Variants in CCL28 observed in about 807,000 individuals in gnomAD.
CCL28 encodes C-C motif chemokine 28.
Under a neutral mutation model 7.1 loss-of-function variants are expected in CCL28, and 4 were observed. The ratio of observed to expected loss-of-function variants is 0.56; its 90% CI spans 0.28 to 1.29. The LOEUF (loss-of-function observed/expected upper bound fraction) is 1.29. Among genes scored for constraint, CCL28 ranks in the 50% most tolerant of loss-of-function variants. CCL28 has a pLI of 0.11. For synonymous variants in CCL28, 55 were observed against 57.8 expected, an observed-to-expected ratio of 0.95 and a Z score of 0.22; for missense variants, 151 against 163.4, an observed-to-expected ratio of 0.92 and a Z score of 0.41.
At chr5:43,359,114 G>C in the CCL28 span, among the ~76,000 whole-genome samples, 10 of 152,174 alleles carry the variant, frequency 6.6e-5, no homozygotes, top group Admixed American at 6.6e-4. Context: ...ATAAAATGTA[G>C]GTATAGCTAA....
At chr5:43,389,451 C>T (rs912865342) in intron 1 of CCL28, among the ~76,000 whole-genome samples, 1 of 152,166 alleles carries the variant, frequency 6.6e-6, no homozygotes, top group Admixed American at 6.5e-5. Flanking sequence ...TCTCACTATA[C>T]GTGAATCACT....
At chr5:43,402,595 G>A (rs1741082167) in intron 1 of CCL28, among the ~76,000 whole-genome samples, 1 of 152,218 alleles carries the variant, frequency 6.6e-6, no homozygotes, top group African/African-American at 2.4e-5. Flanking sequence ...CTCCCAGCGT[G>A]AGCAACACAG....
At chr5:43,357,686 G>C in the CCL28 span, among the ~76,000 whole-genome samples, 1 of 151,740 alleles carries the variant, frequency 6.6e-6, no homozygotes. Flanking sequence ...AAAGAAAGGG[G>C]GGGAAAAAAA....
chr5:43,378,066 G>A (rs1739959198), downstream of CCL28, among the ~76,000 whole-genome samples: 1 of 152,164 alleles, frequency 6.6e-6, no homozygotes, highest in Non-Finnish European at 1.5e-5. Context: ...AAGAAAGCTA[G>A]GTGCAGTGGC....
chr5:43,367,562 CCCACTATCTAA>C, the CCL28 span, among the ~76,000 whole-genome samples: 1 of 152,176 alleles, frequency 6.6e-6, no homozygotes, highest in African/African-American at 2.4e-5. Context: ...TTAGGCTGCA[CCCACTATCTAA>C]CCAGTCCCAG....
chr5:43,392,368 C>T (rs1344769888), intron 1 of CCL28, among the ~76,000 whole-genome samples: 1 of 152,106 alleles, frequency 6.6e-6, no homozygotes, highest in African/African-American at 2.4e-5. Context: ...CTGCCTGCCT[C>T]GCCCTTCCAA....
At chr5:43,360,918 C>T in the CCL28 span, among the ~76,000 whole-genome samples, 2 of 152,070 alleles carry the variant, frequency 1.3e-5, no homozygotes, top group Admixed American at 1.3e-4. Flanking sequence ...ATGCACAGAT[C>T]ATCCCATCAC....
At chr5:43,383,205 T>C (rs1158461053) in intron 2 of CCL28, among the ~76,000 whole-genome samples, 2 of 152,234 alleles carry the variant, frequency 1.3e-5, no homozygotes, top group Admixed American at 1.3e-4. Context: ...ATAATTTTTT[T>C]TGTTGAAAAA....
chr5:43,357,156 T>C, the CCL28 span, among the ~76,000 whole-genome samples: 2 of 152,164 alleles, frequency 1.3e-5, no homozygotes, highest in Admixed American at 6.5e-5. Context: ...GGAGGATTCT[T>C]ATGGCAGTGG....
At chr5:43,410,442 G>GTAA (rs1187189305) in intron 1 of CCL28, among the ~76,000 whole-genome samples, 1 of 152,164 alleles carries the variant, frequency 6.6e-6, no homozygotes, top group Non-Finnish European at 1.5e-5. Flanking sequence ...ACTGCCTTAG[G>GTAA]TAAAGCATCG....
At chr5:43,356,990 T>C in the CCL28 span, among the ~76,000 whole-genome samples, 3 of 152,120 alleles carry the variant, frequency 2.0e-5, no homozygotes, top group African/African-American at 4.8e-5. Context: ...AACAGCAACA[T>C]TTATTTGCTC....
At chr5:43,372,047 C>G (rs1393854446), downstream of CCL28, among the ~76,000 whole-genome samples, 1 of 152,038 alleles carries the variant, frequency 6.6e-6, no homozygotes, top group Admixed American at 6.5e-5. Context: ...TTTTAACAAC[C>G]TGCTTTCCAG....
the CCL28 span, among the ~76,000 whole-genome samples, chr5:43,357,207 CA>C: frequency 6.6e-6 from 1 of 152,204 alleles, no homozygotes; most frequent in Non-Finnish European, 1.5e-5. Flanking sequence ...AAATACTCTC[CA>C]AGCCCTCCTT....
rs1481401275 is a variant in CCL28, at chr5:43,394,549, T to TTTGTTGTATTGTA, written c.65-6074_65-6073insTACAATACAACAA. 5.9e-5 allele frequency among the ~76,000 whole-genome samples: 9 copies of TTTGTTGTATTGTA among 152,290 alleles called. No individual in the cohort carries two copies. The South Asian group carries it at 1.9e-3, about 32-fold the overall frequency. On this transcript the variant is annotated intron_variant, in intron 1 of 2. Coordinates refer to ENST00000361115, the MANE Select transcript of CCL28 (RefSeq NM_148672.3). Reference sequence around the variant, plus strand: ...ATCTATATTTAGGTACCTTATATATTTTGTTGTATTGTGAATGAACTCTTT... The same window carrying TTTGTTGTATTGTA: ...ATCTATATTTAGGTACCTTATATATTTTGTTGTATTGTATTGTTGTATTGTGAATGAACTCTTT...
rs6881212 is a variant in CCL28, at chr5:43,389,782, A to G, written c.65-1306T>C. ...ACTATAAAAAGGCAAGAAGCAGGCC[A>G]GCATTTATTACATGTTAGTAGGTGC... On this transcript the variant is annotated intron_variant, in intron 1 of 2. Coordinates refer to ENST00000361115, the MANE Select transcript of CCL28 (RefSeq NM_148672.3). Among the ~76,000 whole-genome samples the G allele has an allele frequency of 5.5e-3, 839 of 152,344 alleles. 8 individuals carry two copies. The highest frequency in any genetic ancestry group is 0.019 in the African/African-American group (782 of 41,580).
At chr5:43,371,377 T>G in the CCL28 span, among the ~76,000 whole-genome samples, 4 of 152,220 alleles carry the variant, frequency 2.6e-5, no homozygotes, top group Non-Finnish European at 5.9e-5. Context: ...GTTCATGCCA[T>G]TGTGTAGTCC....
the CCL28 span, among the ~76,000 whole-genome samples, chr5:43,367,951 A>G: frequency 6.6e-6 from 1 of 152,210 alleles, no homozygotes; most frequent in African/African-American, 2.4e-5. Flanking sequence ...CAGAACTGCC[A>G]TGAAGTTAAG....
chr5:43,366,837 T>C, the CCL28 span, among the ~76,000 whole-genome samples: 1 of 152,232 alleles, frequency 6.6e-6, no homozygotes, highest in Non-Finnish European at 1.5e-5. Flanking sequence ...CTTTCAGAGA[T>C]GCCCTGCCAG....
chr5:43,384,261 T>A (rs1740246399), intron 2 of CCL28, among the ~76,000 whole-genome samples: 1 of 151,842 alleles, frequency 6.6e-6, no homozygotes, highest in Admixed American at 6.6e-5. Flanking sequence ...AGACAGAGGA[T>A]TCAGAAAGGT....
Sources: gnomAD v4.1 joint callset for allele counts (sites outside exome capture counted in the v4.1 genomes callset) on GRCh38, gnomAD v4.1.1 for gene constraint, MANE v1.5 for transcripts, NCBI Gene and HGNC (gene_info 2026-07-23, HGNC 2026-07-21) for gene names.